Variants in CSMD1 observed in about 807,000 individuals in gnomAD.
CSMD1 encodes CUB and Sushi multiple domains 1, also known as CUB and sushi domain-containing protein 1.
Under a neutral mutation model 417.5 loss-of-function variants are expected in CSMD1, and 213 were observed. That is an observed-to-expected ratio of 0.51 (90% CI 0.46 to 0.57). The LOEUF (loss-of-function observed/expected upper bound fraction) is 0.57, where lower values mean the gene tolerates loss of function less well. CSMD1 is among the 20% of genes least tolerant of loss of function. The pLI is 0.00. For synonymous variants in CSMD1, 2,862 were observed against 1,736.8 expected (o/e 1.65, Z -16.11); for missense variants, 6,923 against 4,529.7 (o/e 1.53, Z -15.17).
intron 2 of CSMD1, among the ~76,000 whole-genome samples, chr8:4,601,851 G>A (rs1367527527): frequency 6.6e-6 from 1 of 152,128 alleles, no homozygotes; most frequent in African/African-American, 2.4e-5. Context: ...TTCACCCTGG[G>A]TTCTGAGTCA....
At chr8:3,515,414 A>G (rs559470677) in intron 10 of CSMD1, 14 of 152,344 alleles carry the variant, frequency 9.2e-5, no homozygotes, top group African/African-American at 2.9e-4. Context: ...GGTGAAGTTT[A>G]GACACTTGGT....
At chr8:4,966,415 T>C (rs1045870619) in intron 1 of CSMD1, among the ~76,000 whole-genome samples, 7 of 151,918 alleles carry the variant, frequency 4.6e-5, no homozygotes, top group African/African-American at 1.7e-4. Context: ...AGTTCCAAAC[T>C]ATCTCCCGGT....
intron 7 of CSMD1, among the ~76,000 whole-genome samples, chr8:3,664,120 T>C (rs373804770): frequency 2.2e-4 from 34 of 152,236 alleles, no homozygotes; most frequent in African/African-American, 8.2e-4. Flanking sequence ...CCATGTTGGT[T>C]TGCTGCACCC....
At chr8:4,302,619 G>C (rs1324815036) in intron 3 of CSMD1, among the ~76,000 whole-genome samples, 1 of 152,186 alleles carries the variant, frequency 6.6e-6, no homozygotes, top group Non-Finnish European at 1.5e-5. Flanking sequence ...CTATGTTGTT[G>C]TGTTTTTCTC....
At position 3,228,716 on chromosome 8, in the gene CSMD1, T is replaced by G. The variant is rs186575884; in HGVS notation, c.4345+1324A>C. ...AAATTAATAAATTACTTTTAAGGGA[T>G]TAACTCGTAGTTATATTGCTTTTTA... On this transcript the variant is annotated intron_variant, in intron 27 of 69. Coordinates refer to ENST00000635120, the MANE Select transcript of CSMD1 (RefSeq NM_033225.6). Among the ~76,000 whole-genome samples the G allele has an allele frequency of 2.3e-3, 349 of 152,184 alleles. 5 individuals are homozygous for G. Among genetic ancestry groups the G allele is most frequent in the Admixed American group, 8.9e-3 (136 of 15,284 alleles).
rs1430310237 is a variant in CSMD1 at position 4,433,930 on chromosome 8, G to A, written c.303-13865C>T. Reference sequence around the variant, plus strand: ...GGATAAGAACACAGCAAAAAAGGGGGAAACTTGTAGAATTGAGGTTTATTC... The same window carrying A: ...GGATAAGAACACAGCAAAAAAGGGGAAAACTTGTAGAATTGAGGTTTATTC... On this transcript the variant is annotated intron_variant, in intron 2 of 69. Coordinates refer to ENST00000635120, the MANE Select transcript of CSMD1 (RefSeq NM_033225.6). 4.6e-5 allele frequency among the ~76,000 whole-genome samples: 7 copies of A among 152,272 alleles called. No individual in the cohort carries two copies. In the East Asian group the frequency reaches 1.2e-3, roughly 25 times the overall value.
chr8:3,505,838 T>C (rs532570577), intron 10 of CSMD1, among the ~76,000 whole-genome samples: 1 of 152,260 alleles, frequency 6.6e-6, no homozygotes, highest in African/African-American at 2.4e-5. Flanking sequence ...AACACACTCC[T>C]TATCACCAAC....
chr8:4,858,775 C>T lies in CSMD1; in HGVS notation c.85+135557G>A, dbSNP rs1435423991. 2.8e-5 allele frequency among the ~76,000 whole-genome samples: 4 copies of T among 140,692 alleles called. No individual in the cohort carries two copies. The South Asian group carries it at 1.0e-3, about 36-fold the overall frequency. 92.3% of individuals were successfully genotyped at this position (140,692 alleles called of 152,430 possible). On this transcript the variant is annotated intron_variant, in intron 1 of 69. Coordinates refer to ENST00000635120, the MANE Select transcript of CSMD1 (RefSeq NM_033225.6). ...TCAAGGAAATAAAAGAGGATACAAA[C>T]AAATGGAAGAACATTCCACGCTCAT...
At chr8:4,309,811 C>T (rs1442468215) in intron 3 of CSMD1, among the ~76,000 whole-genome samples, 4 of 152,100 alleles carry the variant, frequency 2.6e-5, no homozygotes, top group African/African-American at 9.7e-5. Context: ...TAGGTCCCTT[C>T]GCCCTTACTT....
At chr8:3,981,789 G>C (rs1241051741) in intron 5 of CSMD1, among the ~76,000 whole-genome samples, 1 of 152,198 alleles carries the variant, frequency 6.6e-6, no homozygotes, top group Non-Finnish European at 1.5e-5. Flanking sequence ...ACAAAGTCAA[G>C]AGAAGAGGCA....
intron 4 of CSMD1, among the ~76,000 whole-genome samples, chr8:4,009,515 T>A (rs1019394366): frequency 2.6e-5 from 4 of 152,226 alleles, no homozygotes; most frequent in Admixed American, 1.3e-4. Flanking sequence ...TTTATAATAT[T>A]CCTTCAGTGA....
At position 3,024,371 on chromosome 8, in the gene CSMD1, C is replaced by A. The variant is rs144084777; in HGVS notation, c.7855+4948G>T. Among the ~76,000 whole-genome samples, 243 of 151,642 alleles carry A rather than the reference C, an allele frequency of 1.6e-3. 1 individual carries two copies. Among genetic ancestry groups the A allele is most frequent in the African/African-American group, 5.8e-3 (237 of 41,208 alleles). On this transcript the variant is annotated intron_variant, in intron 51 of 69. Transcript: ENST00000635120. ...CCCAGGCTAGATTGCAGTGATGGGA[C>A]CTCAGCTCGCGGCAACTGCCACCTC...
At chr8:3,677,827 T>G (rs1438143526) in intron 7 of CSMD1, among the ~76,000 whole-genome samples, 1 of 152,142 alleles carries the variant, frequency 6.6e-6, no homozygotes, top group South Asian at 2.1e-4. Context: ...AACTGCATAT[T>G]TCAATAACAT....
intron 10 of CSMD1, 83 bp downstream of exon 10, chr8:3,574,862 A>G (rs1196950814): frequency 1.4e-6 from 2 of 1,467,150 alleles, no homozygotes; most frequent in Non-Finnish European, 1.9e-6. Flanking sequence ...CACGGATAGC[A>G]TTTGCTGGGC....
chr8:3,396,129 A>AG (rs1811682852), intron 17 of CSMD1, 65 bp downstream of exon 17: 1 of 1,397,832 alleles, frequency 7.2e-7, no homozygotes, highest in South Asian at 1.3e-5. Context: ...GGAAATAAGA[A>AG]CCCAGATCTT....
chr8:4,514,492 C>A lies in CSMD1; in HGVS notation c.303-94427G>T, dbSNP rs557708609. Among the ~76,000 whole-genome samples, 4 of 152,240 alleles carry A rather than the reference C, an allele frequency of 2.6e-5. No homozygotes were observed. The South Asian group carries it at 6.2e-4, about 24-fold the overall frequency. On this transcript the variant is annotated intron_variant, in intron 2 of 69. Coordinates refer to ENST00000635120, the MANE Select transcript of CSMD1 (RefSeq NM_033225.6). ...CTGATGATTCTCCAGGTGACGCACA[C>A]ATGGGAATCAACGAAGAGGGAACAT...
chr8:4,314,804 G>C (rs1304435789), intron 3 of CSMD1, among the ~76,000 whole-genome samples: 1 of 152,164 alleles, frequency 6.6e-6, no homozygotes, highest in Non-Finnish European at 1.5e-5. Flanking sequence ...TATGAATAAA[G>C]ACCACAGGAA....
At chr8:3,673,238 A>G (rs759052627) in intron 7 of CSMD1, among the ~76,000 whole-genome samples, 9 of 152,162 alleles carry the variant, frequency 5.9e-5, no homozygotes, top group Non-Finnish European at 1.3e-4. Flanking sequence ...ACATTTCCAA[A>G]TTCGTTTCTA....
At chr8:3,344,374 A>T (rs35269259) in intron 22 of CSMD1, among the ~76,000 whole-genome samples, 17,516 of 152,210 alleles carry the variant, frequency 0.12, 1,390 homozygotes, top group African/African-American at 0.23. Context: ...GATGGGTTGA[A>T]AGGTGCAGCA....
Sources: gnomAD v4.1 joint callset for allele counts (sites outside exome capture counted in the v4.1 genomes callset) on GRCh38, gnomAD v4.1.1 for gene constraint, MANE v1.5 for transcripts, NCBI Gene and HGNC (gene_info 2026-07-23, HGNC 2026-07-21) for gene names.